Variants in MED9 observed in about 807,000 individuals in gnomAD.
MED9 encodes the protein mediator complex subunit 9, also known as mediator of RNA polymerase II transcription subunit 9.
A neutral mutation model predicts 13.2 loss-of-function variants in MED9; 8 were observed. The ratio of observed to expected loss-of-function variants is 0.61; its 90% CI spans 0.36 to 1.10. MED9 has a LOEUF of 1.10. Among genes scored for constraint, MED9 ranks in the 50% least tolerant of loss-of-function variants. The probability of loss-of-function intolerance (pLI) is 0.02; values close to 1 mark genes in which losing one functional copy is unlikely to be tolerated. For synonymous variants in MED9, 87 were observed against 82.8 expected, an observed-to-expected ratio of 1.05 and a Z score of -0.28; for missense variants, 180 against 193.4, an observed-to-expected ratio of 0.93 and a Z score of 0.41.
In MED9 at chr17:17,492,215, C is replaced by T. The variant is rs78649356; in HGVS notation, c.*720C>T. ...TCTTGCTCCCTTCCTCGTTCATCACCCTCAGTCAGTGCCCAAGAGTGGCCA... is the reference window on the plus strand; with the variant it reads ...TCTTGCTCCCTTCCTCGTTCATCACTCTCAGTCAGTGCCCAAGAGTGGCCA... On this transcript the variant is annotated 3_prime_UTR_variant, in exon 2 of 2. Transcript: ENST00000268711. The T allele has an allele frequency of 0.014, 2,128 of 153,722 alleles. 56 individuals are homozygous for T. Among genetic ancestry groups the T allele is most frequent in the African/African-American group, 0.049 (2,017 of 41,562 alleles). 9.5% of individuals were successfully genotyped at this position (153,722 alleles called of 1,614,324 possible).
chr17:17,485,378 C>T lies in MED9; in HGVS notation c.225-5901C>T, dbSNP rs186837282. ...GGGATTACAGGCGTGAGCCACCGGC[C>T]GCCATCTGGGATTTTTAAGCAGCAT... is the stretch of plus-strand genomic sequence containing the variant. On this transcript the variant is annotated intron_variant, in intron 1 of 1. Transcript: ENST00000268711. 899 of 398,582 alleles carry T rather than the reference C, an allele frequency of 2.3e-3. 4 individuals carry two copies. Among genetic ancestry groups the T allele is most frequent in the African/African-American group, 6.5e-3 (318 of 48,744 alleles). The allele number at this position is 398,582 out of a possible 1,614,324, so 24.7% of individuals were successfully genotyped here.
chr17:17,489,022 G>A (rs116712794), intron 1 of MED9, among the ~76,000 whole-genome samples: 307 of 152,190 alleles, frequency 2.0e-3, no homozygotes, highest in African/African-American at 6.9e-3. Context: ...TTATTCACTC[G>A]GTATTTGGTC....
intron 1 of MED9, chr17:17,485,177 G>A: frequency 2.8e-6 from 1 of 352,362 alleles, no homozygotes; most frequent in Non-Finnish European, 5.1e-6. Context: ...CCATGCCTTT[G>A]TAAAAAACAA....
chr17:17,487,436 T>C (rs58925282), intron 1 of MED9: 2,567 of 165,934 alleles, frequency 0.015, 73 homozygotes, highest in African/African-American at 0.058. Context: ...GATCTGCAGC[T>C]TCACTCCTGA....
intron 1 of MED9, 173 bp downstream of exon 1, chr17:17,477,438 G>A (rs1904943685): frequency 7.4e-6 from 5 of 678,506 alleles, no homozygotes; most frequent in Non-Finnish European, 9.5e-6. Flanking sequence ...CATTCCATGA[G>A]TTAAGCAAAC....
At position 17,491,358 on chromosome 17, in the gene MED9, A is replaced by G; in HGVS notation, c.304A>G (p.Ser102Gly). 2 of 1,614,090 alleles carry G rather than the reference A, an allele frequency of 1.2e-6. No individual in the cohort carries two copies. The highest frequency in any genetic ancestry group is 8.5e-7 in the Non-Finnish European group (1 of 1,180,050). Residue 102 changes from serine to glycine, a missense_variant, in exon 2 of 2, where the codon AGC becomes GGC. Ser to Gly is a moderately conservative substitution (Grantham distance 56). Transcript: ENST00000268711. Reference sequence around the variant, plus strand: ...GTTCCAGGAGATGCGCAAGCTCATCAGCACCATGCCCGGCATCCACCTGAG... The same window carrying G: ...GTTCCAGGAGATGCGCAAGCTCATCGGCACCATGCCCGGCATCCACCTGAG... The part of the protein sequence containing the change: ...SKFQEMRKLI[S>G]TMPGIHLSPE...
chr17:17,491,477 C>G lies in MED9; in HGVS notation c.423C>G (p.Phe141Leu). The G allele has an allele frequency of 6.2e-7, 1 of 1,613,010 alleles. No homozygotes were observed. Among genetic ancestry groups the G allele is most frequent in the Non-Finnish European group, 8.5e-7 (1 of 1,179,150 alleles). ...AAAAGTACAAGAGCCTCTGCATGTT[C>G]GAAATCCCCAAGGAGTAGAGTGAGG... ...LLQKYKSLCM[F>L]EIPKE Residue 141 changes from phenylalanine (F) to leucine (L), a missense_variant, in exon 2 of 2, where the codon TTC becomes TTG. Coordinates refer to ENST00000268711, the MANE Select transcript of MED9 (RefSeq NM_018019.3).
chr17:17,477,034 C>A lies in MED9; in HGVS notation c.-8C>A. 2 of 1,605,076 alleles carry A rather than the reference C, an allele frequency of 1.2e-6. No homozygotes were observed. Among genetic ancestry groups the A allele is most frequent in the African/African-American group, 1.3e-5 (1 of 74,942 alleles). On this transcript the variant is annotated 5_prime_UTR_variant, in exon 1 of 2. Coordinates refer to ENST00000268711, the MANE Select transcript of MED9 (RefSeq NM_018019.3). ...GACCCGACCTCTGGCTAACCTACCC[C>A]CGGAGCCATGGCCTCTGCTGGGGTG...
chr17:17,487,626 C>T (rs1042783386), intron 1 of MED9: 17 of 174,618 alleles, frequency 9.7e-5, no homozygotes, highest in Non-Finnish European at 8.3e-5. Flanking sequence ...ACTTCAGACG[C>T]GCCACCTTAA....
intron 1 of MED9, chr17:17,477,646 A>G (rs1321373018): frequency 5.5e-6 from 1 of 180,438 alleles, no homozygotes; most frequent in Non-Finnish European, 1.2e-5. Context: ...ACAGATAAGC[A>G]TCATCTTCCC....
chr17:17,483,183 A>G lies in MED9; in HGVS notation c.224+5918A>G, dbSNP rs79080701. On this transcript the variant is annotated intron_variant, in intron 1 of 1. Coordinates refer to ENST00000268711, the MANE Select transcript of MED9 (RefSeq NM_018019.3). This position sits in a 1 kb window ranked among gnomAD's most constrained non-coding sequence, Gnocchi z 4.2. ...GCCAGGTCGTTGAGCCTCGCTTTTG[A>G]GTATTATAATCAGCATTTAATTAGT... 1.9e-3 allele frequency among the ~76,000 whole-genome samples: 290 copies of G among 152,258 alleles called. No individual in the cohort carries two copies. Among genetic ancestry groups the G allele is most frequent in the African/African-American group, 6.4e-3 (265 of 41,536 alleles).
chr17:17,490,960 A>G (rs1905216163), intron 1 of MED9, among the ~76,000 whole-genome samples: 1 of 152,210 alleles, frequency 6.6e-6, no homozygotes. Context: ...TGACCTACAC[A>G]CTGGGCCGGG....
chr17:17,487,479 C>A (rs1035602706), intron 1 of MED9: 9 of 160,838 alleles, frequency 5.6e-5, no homozygotes, highest in African/African-American at 1.7e-4. Flanking sequence ...CCGGGAGGAA[C>A]GAACAACTCC....
chr17:17,483,272 A>G lies in MED9; in HGVS notation c.224+6007A>G, dbSNP rs1390915344. On this transcript the variant is annotated intron_variant, in intron 1 of 1. Coordinates refer to ENST00000268711, the MANE Select transcript of MED9 (RefSeq NM_018019.3). The surrounding 1 kb of genome is among the most constrained non-coding windows in gnomAD (Gnocchi z 4.2). ...TTTGGCTAATTTTTCTTTGTTCTCC[A>G]TTCTTCTCAAATTGAGCCCAAACTT... 6.6e-6 allele frequency among the ~76,000 whole-genome samples: 1 copy of G among 152,126 alleles called. No individual in the cohort carries two copies. Among genetic ancestry groups the G allele is most frequent in the African/African-American group, 2.4e-5 (1 of 41,406 alleles).
chr17:17,484,170 T>C (rs1336215128), intron 1 of MED9, among the ~76,000 whole-genome samples: 1 of 152,254 alleles, frequency 6.6e-6, no homozygotes, highest in African/African-American at 2.4e-5. Context: ...AGCCTAGGCC[T>C]TCTGAATTAC....
At chr17:17,488,788 G>A (rs1359124055) in intron 1 of MED9, among the ~76,000 whole-genome samples, 3 of 151,646 alleles carry the variant, frequency 2.0e-5, no homozygotes, top group Non-Finnish European at 2.9e-5. Flanking sequence ...AGCCAAGATC[G>A]CACCATTGCA....
chr17:17,488,747 C>T (rs944615847), intron 1 of MED9, among the ~76,000 whole-genome samples: 1 of 152,084 alleles, frequency 6.6e-6, no homozygotes, highest in African/African-American at 2.4e-5. Flanking sequence ...GCAGGAGAAT[C>T]ACTTGAACCC....
intron 1 of MED9, among the ~76,000 whole-genome samples, chr17:17,478,019 A>G (rs1904957615): frequency 6.6e-6 from 1 of 152,134 alleles, no homozygotes; most frequent in Admixed American, 6.5e-5. Flanking sequence ...TTTTTGAGAG[A>G]GGGTCTCGCT....
In MED9 at chr17:17,483,869, G is replaced by A. The variant is rs541323479; in HGVS notation, c.224+6604G>A. Among the ~76,000 whole-genome samples the A allele has an allele frequency of 1.3e-3, 190 of 151,568 alleles. No individual in the cohort carries two copies. The highest frequency in any genetic ancestry group is 4.2e-3 in the African/African-American group (175 of 41,298). On this transcript the variant is annotated intron_variant, in intron 1 of 1. Transcript: ENST00000268711. The surrounding 1 kb of genome is among the most constrained non-coding windows in gnomAD (Gnocchi z 4.2). ...GGAGAATCGCTTGAACCCGGGAGGC[G>A]GAGGTTGCAGTGAGCCACGATCGCA... is the stretch of plus-strand genomic sequence containing the variant.
Sources: allele counts gnomAD v4.1 joint callset (sites outside exome capture counted in the v4.1 genomes callset), GRCh38; gene constraint gnomAD v4.1.1; non-coding constraint Gnocchi (gnomAD v3.1); transcripts MANE v1.5; gene names NCBI Gene and HGNC (gene_info 2026-07-23, HGNC 2026-07-21).